PTPRT: variants seen among roughly 807,000 people sequenced by gnomAD.
PTPRT encodes the protein protein tyrosine phosphatase receptor type T, also known as receptor-type tyrosine-protein phosphatase T.
In PTPRT, 56 loss-of-function variants were observed where a neutral mutation model predicts 176.8. The observed-to-expected ratio is 0.32, with a 90% CI of 0.26 to 0.40. The LOEUF (loss-of-function observed/expected upper bound fraction) is 0.40. Ranked by LOEUF, PTPRT falls within the 10% of genes least tolerant of loss-of-function variation. The pLI, the probability that PTPRT is intolerant of heterozygous loss-of-function variation, is 1.00. For missense variants in PTPRT, 1,540 were observed against 1,908.2 expected (o/e 0.81, Z 3.60); for synonymous variants, 783 against 739.0 (o/e 1.06, Z -0.96).
In PTPRT at chr20:42,585,905, CAT is replaced by C. The variant is rs550226262; in HGVS notation, c.1153+91959_1153+91960del. Among the ~76,000 whole-genome samples, 670 of 152,052 alleles carry C rather than the reference CAT, an allele frequency of 4.4e-3. 3 individuals are homozygous for C. Among genetic ancestry groups the C allele is most frequent in the Non-Finnish European group, 6.1e-3 (418 of 67,972 alleles). ...ATGTAACATGTCTGTAACATATTGA[CAT>C]ATATATATGTATGAATAGACATATG... On this transcript the variant is annotated intron_variant, in intron 7 of 30. Transcript: ENST00000373187.
At chr20:42,526,936 T>C (rs1202071943) in intron 7 of PTPRT, among the ~76,000 whole-genome samples, 1 of 151,272 alleles carries the variant, frequency 6.6e-6, no homozygotes, top group Non-Finnish European at 1.5e-5. Context: ...TCTAAGAGAC[T>C]GACTTCTTGG....
At chr20:42,762,965 G>C (rs1374117507) in intron 5 of PTPRT, among the ~76,000 whole-genome samples, 1 of 152,140 alleles carries the variant, frequency 6.6e-6, no homozygotes. Flanking sequence ...AAGTCGGCTT[G>C]GTTTGAGAGC....
chr20:42,513,328 C>A (rs2071995313), intron 7 of PTPRT, among the ~76,000 whole-genome samples: 1 of 151,420 alleles, frequency 6.6e-6, no homozygotes, highest in South Asian at 2.1e-4. Context: ...TTTCTGGATA[C>A]CCAATTTTCT....
At chr20:42,967,872 C>T (rs182940236) in intron 1 of PTPRT, among the ~76,000 whole-genome samples, 327 of 152,252 alleles carry the variant, frequency 2.1e-3, no homozygotes, top group African/African-American at 7.6e-3. Context: ...AAGGCTGATA[C>T]GTTCTTGCCC....
At chr20:42,094,585 G>C (rs967376734) in intron 27 of PTPRT, among the ~76,000 whole-genome samples, 13 of 152,010 alleles carry the variant, frequency 8.6e-5, no homozygotes, top group Non-Finnish European at 1.8e-4. Context: ...ACCATGCCCA[G>C]TTCATTTAAA....
chr20:42,747,213 G>C (rs1258823501), intron 6 of PTPRT, among the ~76,000 whole-genome samples: 1 of 152,176 alleles, frequency 6.6e-6, no homozygotes, highest in Non-Finnish European at 1.5e-5. Flanking sequence ...GGAAAACCAG[G>C]AGCTCAATCA....
chr20:43,154,326 C>T (rs1022751583), intron 1 of PTPRT, among the ~76,000 whole-genome samples: 1 of 152,184 alleles, frequency 6.6e-6, no homozygotes, highest in African/African-American at 2.4e-5. Flanking sequence ...AATCCATTGG[C>T]TGTAAATGCA....
chr20:43,042,703 A>AACCACCCT (rs1442696056), intron 1 of PTPRT, among the ~76,000 whole-genome samples: 1 of 118,652 alleles, frequency 8.4e-6, no homozygotes, highest in Non-Finnish European at 1.8e-5. Context: ...GCATTCTTCC[A>AACCACCCT]CCCACCCTCC....
intron 15 of PTPRT, among the ~76,000 whole-genome samples, chr20:42,211,587 C>T (rs761074532): frequency 0.016 from 2,444 of 148,658 alleles, 34 homozygotes; most frequent in Non-Finnish European, 0.023. Flanking sequence ...CAAATCAAAA[C>T]CACAATGAGA....
chr20:42,724,021 T>C (rs1600664307), intron 6 of PTPRT, among the ~76,000 whole-genome samples: 1 of 152,210 alleles, frequency 6.6e-6, no homozygotes, highest in African/African-American at 2.4e-5. Context: ...TAAGCTTGTA[T>C]GTAGCAATGC....
At chr20:42,088,955 C>T (rs1984315933) in intron 27 of PTPRT, among the ~76,000 whole-genome samples, 1 of 152,162 alleles carries the variant, frequency 6.6e-6, no homozygotes, top group Non-Finnish European at 1.5e-5. Context: ...ATAGTAATAG[C>T]TATGATATAT....
chr20:42,301,654 G>C lies in PTPRT; in HGVS notation c.2139+14069C>G, dbSNP rs78101657. On this transcript the variant is annotated intron_variant, in intron 12 of 30. Coordinates refer to ENST00000373187, the MANE Select transcript of PTPRT (RefSeq NM_007050.6). ...GATAGATAGACAAACAGACAAATAG[G>C]GGAAGAAGAGAAAGAACAGGAGAGG... Among the ~76,000 whole-genome samples, 565 of 152,144 alleles carry C rather than the reference G, an allele frequency of 3.7e-3. 7 individuals carry two copies. The highest frequency in any genetic ancestry group is 0.012 in the African/African-American group (502 of 41,496).
intron 7 of PTPRT, among the ~76,000 whole-genome samples, chr20:42,668,816 C>T (rs1312166706): frequency 7.3e-5 from 11 of 150,290 alleles, no homozygotes; most frequent in African/African-American, 2.4e-4. Flanking sequence ...CTCAGCCTCC[C>T]GAGTAGCTGG....
At chr20:42,891,516 T>C (rs2145886729) in intron 1 of PTPRT, among the ~76,000 whole-genome samples, 1 of 152,338 alleles carries the variant, frequency 6.6e-6, no homozygotes, top group South Asian at 2.1e-4. Context: ...GTATAGCATA[T>C]CAGCATCTGT....
intron 7 of PTPRT, among the ~76,000 whole-genome samples, chr20:42,564,989 G>A (rs979901583): frequency 1.3e-5 from 2 of 152,076 alleles, no homozygotes; most frequent in Non-Finnish European, 2.9e-5. Context: ...AGGGTCAACC[G>A]TATTTCCATT....
intron 1 of PTPRT, among the ~76,000 whole-genome samples, chr20:42,908,307 G>A (rs2079504532): frequency 6.6e-6 from 1 of 151,964 alleles, no homozygotes. Flanking sequence ...TTTATAGCCC[G>A]AATCTTAAAC....
intron 15 of PTPRT, among the ~76,000 whole-genome samples, chr20:42,211,785 TC>T (rs1484978270): frequency 1.3e-4 from 19 of 149,648 alleles, no homozygotes; most frequent in African/African-American, 4.2e-4. Flanking sequence ...GACCCAGCCA[TC>T]CCATTACTGG....
chr20:42,345,991 T>C (rs537371630), intron 11 of PTPRT, among the ~76,000 whole-genome samples: 1 of 152,222 alleles, frequency 6.6e-6, no homozygotes, highest in South Asian at 2.1e-4. Context: ...TTGATCCAAT[T>C]TGTGCTTCCA....
chr20:42,298,053 T>C (rs2057413553), intron 12 of PTPRT, among the ~76,000 whole-genome samples: 1 of 152,028 alleles, frequency 6.6e-6, no homozygotes, highest in Admixed American at 6.6e-5. Flanking sequence ...GTGGCAAAAA[T>C]ATAAGCAAAG....
Sources: gnomAD v4.1 joint callset for allele counts (sites outside exome capture counted in the v4.1 genomes callset) on GRCh38, gnomAD v4.1.1 for gene constraint, MANE v1.5 for transcripts, NCBI Gene and HGNC (gene_info 2026-07-23, HGNC 2026-07-21) for gene names.